The following PDXDC1 variants were observed in gnomAD, a reference collection of about 807,000 sequenced individuals.
PDXDC1 encodes pyridoxal dependent decarboxylase domain containing 1, also known as pyridoxal-dependent decarboxylase domain-containing protein 1.
A neutral mutation model predicts 100.1 loss-of-function variants in PDXDC1; 42 were observed. That is an observed-to-expected ratio of 0.42 (90% CI 0.33 to 0.54). The LOEUF (loss-of-function observed/expected upper bound fraction) is 0.54, where lower values mean the gene tolerates loss of function less well. PDXDC1 is among the 20% of genes least tolerant of loss of function. PDXDC1 has a pLI of 0.10. For synonymous variants in PDXDC1, 260 were observed against 371.7 expected, an observed-to-expected ratio of 0.70 and a Z score of 3.46; for missense variants, 636 against 979.2, an observed-to-expected ratio of 0.65 and a Z score of 4.68.
At chr16:15,089,359 A>G (rs2046028267) in intron 16 of PDXDC1, among the ~76,000 whole-genome samples, 1 of 152,162 alleles carries the variant, frequency 6.6e-6, no homozygotes, top group Non-Finnish European at 1.5e-5. Context: ...ACAGACACAA[A>G]TATATTAGGA....
chr16:15,131,565 C>T (rs1338282108), intron 16 of PDXDC1: 4 of 1,608,970 alleles, frequency 2.5e-6, no homozygotes, highest in Non-Finnish European at 3.4e-6. Flanking sequence ...CCTCGTTGAG[C>T]ACGCGGGAGC....
intron 16 of PDXDC1, among the ~76,000 whole-genome samples, chr16:15,087,440 G>A (rs971815489): frequency 7.9e-5 from 12 of 152,154 alleles, no homozygotes; most frequent in African/African-American, 2.7e-4. Flanking sequence ...CGTCTGTCTC[G>A]GTCAAGGCTA....
intron 13 of PDXDC1, chr16:15,026,384 T>G: frequency 1.9e-6 from 1 of 529,746 alleles, no homozygotes; most frequent in Non-Finnish European, 3.3e-6. Flanking sequence ...TATTAAAATT[T>G]CCCCCTGCTT....
chr16:15,060,407 T>C lies in PDXDC1; in HGVS notation c.1399+30351T>C, dbSNP rs534137333. 8.1e-5 allele frequency: 15 copies of C among 185,132 alleles called. No homozygotes were observed. In the East Asian group the frequency reaches 2.3e-3, roughly 29 times the overall value. 11.5% of individuals were successfully genotyped at this position (185,132 alleles called of 1,614,324 possible). On this transcript the variant is annotated intron_variant, in intron 16 of 16. Coordinates refer to the PDXDC1 transcript ENST00000535621. ...TATTTACAGACTGAAATTCAAACTC[T>C]ACATTGCCATCAATGTAATTATACA...
At chr16:15,032,399 C>A in intron 17 of PDXDC1, 1 of 170,966 alleles carries the variant, frequency 5.8e-6, no homozygotes, top group Non-Finnish European at 1.3e-5. Context: ...TGCCTGTAAT[C>A]CCAGCACTTT....
chr16:15,147,743 C>T, the PDXDC1 span, among the ~76,000 whole-genome samples: 1 of 152,090 alleles, frequency 6.6e-6, no homozygotes, highest in African/African-American at 2.4e-5. Flanking sequence ...GGCTAGAGTG[C>T]AGTGGTGTGA....
At chr16:15,075,128 T>C (rs2045396567) in intron 16 of PDXDC1, among the ~76,000 whole-genome samples, 1 of 151,120 alleles carries the variant, frequency 6.6e-6, no homozygotes, top group Non-Finnish European at 1.5e-5. Flanking sequence ...TGCACGCCTG[T>C]AATTCCAGTT....
intron 16 of PDXDC1, among the ~76,000 whole-genome samples, chr16:15,073,315 C>G (rs1293588226): frequency 6.6e-6 from 1 of 152,134 alleles, no homozygotes; most frequent in Non-Finnish European, 1.5e-5. Context: ...AAAAATTAGC[C>G]AGGCATGGTG....
At chr16:15,076,187 C>A (rs1597930041) in intron 16 of PDXDC1, among the ~76,000 whole-genome samples, 1 of 152,166 alleles carries the variant, frequency 6.6e-6, no homozygotes, top group African/African-American at 2.4e-5. Flanking sequence ...CTGAACCCAA[C>A]TTCAGATACC....
chr16:15,049,196 T>G (rs1448936178), intron 16 of PDXDC1, among the ~76,000 whole-genome samples: 136 of 134,928 alleles, frequency 1.0e-3, no homozygotes, highest in Admixed American at 2.6e-3. Context: ...ACCTGGCTGA[T>G]TTTTATACTT....
At chr16:15,093,622 A>T (rs1035508165) in intron 16 of PDXDC1, among the ~76,000 whole-genome samples, 2 of 152,206 alleles carry the variant, frequency 1.3e-5, no homozygotes, top group Non-Finnish European at 2.9e-5. Flanking sequence ...GTAGTAAATT[A>T]ATGAAAAAAC....
chr16:15,010,475 C>T (rs2041167267), intron 8 of PDXDC1: 1 of 154,476 alleles, frequency 6.5e-6, no homozygotes, highest in African/African-American at 2.4e-5. Flanking sequence ...CATAGCAAGA[C>T]CCCATCTCAA....
At chr16:15,106,477 C>T (rs1463380827) in intron 16 of PDXDC1, among the ~76,000 whole-genome samples, 5 of 149,298 alleles carry the variant, frequency 3.3e-5, no homozygotes, top group African/African-American at 4.9e-5. Flanking sequence ...CAGTCTGAGC[C>T]GGTCACGGTG....
Position 15,025,301 on chromosome 16 carries a change from T to C in PDXDC1, c.1141-1342T>C, listed in dbSNP as rs544845551. On this transcript the variant is annotated intron_variant, in intron 13 of 22. Coordinates refer to ENST00000396410, the MANE Select transcript of PDXDC1 (RefSeq NM_015027.4). Reference sequence around the variant, plus strand: ...ATAATATTCATAGCAGTCTTGGCACTCACCTCATTCTGCCATCTCCTAGCT... The same window carrying C: ...ATAATATTCATAGCAGTCTTGGCACCCACCTCATTCTGCCATCTCCTAGCT... 2.6e-4 allele frequency: 40 copies of C among 152,496 alleles called. No homozygotes were observed. In the East Asian group the frequency reaches 7.7e-3, roughly 29 times the overall value. The allele number at this position is 152,496 out of a possible 1,614,324, so 9.4% of individuals were successfully genotyped here.
chr16:15,042,185 CTTTTTT>C (rs34790085), downstream of PDXDC1, among the ~76,000 whole-genome samples: 1 of 135,576 alleles, frequency 7.4e-6, no homozygotes. Context: ...AATTTTATAT[CTTTTTT>C]TTTTTTTTTT....
chr16:15,092,963 G>C (rs1054195529), intron 16 of PDXDC1, among the ~76,000 whole-genome samples: 3 of 151,498 alleles, frequency 2.0e-5, no homozygotes, highest in Non-Finnish European at 2.9e-5. Context: ...TTCACTTACT[G>C]TTCACTCTAT....
At chr16:15,132,521 C>T (rs545707275) in intron 16 of PDXDC1, among the ~76,000 whole-genome samples, 3,445 of 150,602 alleles carry the variant, frequency 0.023, 71 homozygotes, top group Middle Eastern at 0.051. Context: ...CTGGGTCCCC[C>T]GAGAGGCACC....
At chr16:15,112,294 C>T (rs1229211201) in intron 16 of PDXDC1, among the ~76,000 whole-genome samples, 1 of 147,978 alleles carries the variant, frequency 6.8e-6, no homozygotes, top group African/African-American at 2.4e-5. Context: ...CCTTGGCTCA[C>T]GGCAACCTCC....
intron 16 of PDXDC1, among the ~76,000 whole-genome samples, chr16:15,068,774 G>T (rs942346999): frequency 2.0e-5 from 3 of 152,152 alleles, no homozygotes; most frequent in African/African-American, 7.2e-5. Context: ...TACCTCAACG[G>T]ACGGCAAATT....
Sources: allele counts gnomAD v4.1 joint callset (sites outside exome capture counted in the v4.1 genomes callset), GRCh38; gene constraint gnomAD v4.1.1; transcripts MANE v1.5; gene names NCBI Gene and HGNC (gene_info 2026-07-23, HGNC 2026-07-21).